The following NBEA variants were observed in gnomAD, a reference collection of about 807,000 sequenced individuals.
The protein encoded by NBEA is lysosomal-trafficking regulator 2.
NBEA carries 44 observed loss-of-function variants against 343.4 expected under a neutral mutation model. The observed-to-expected ratio is 0.13, with a 90% CI of 0.10 to 0.16. The LOEUF (loss-of-function observed/expected upper bound fraction) is 0.16. Ranked by LOEUF, NBEA falls within the 10% of genes least tolerant of loss-of-function variation. The probability of loss-of-function intolerance (pLI) is 1.00; values close to 1 mark genes in which losing one functional copy is unlikely to be tolerated. For missense variants in NBEA, 2,555 were observed against 3,631.3 expected, an observed-to-expected ratio of 0.70 and a Z score of 7.62; for synonymous variants, 1,175 against 1,238.7, an observed-to-expected ratio of 0.95 and a Z score of 1.08.
At chr13:34,980,942 A>C (rs983202446) in intron 1 of NBEA, among the ~76,000 whole-genome samples, 2 of 152,184 alleles carry the variant, frequency 1.3e-5, no homozygotes, top group African/African-American at 4.8e-5. Flanking sequence ...TAATTTATAT[A>C]TCATAAAATT....
At chr13:35,548,084 A>G (rs1168220792) in intron 41 of NBEA, among the ~76,000 whole-genome samples, 1 of 152,136 alleles carries the variant, frequency 6.6e-6, no homozygotes, top group African/African-American at 2.4e-5. Flanking sequence ...AACAGAGAAG[A>G]AAAAACACCC....
Position 35,030,568 on chromosome 13 carries a change from C to T in NBEA, c.295-10365C>T, listed in dbSNP as rs59609417. ...GCCTCACTGTAGTTCTTCATAGGAT[C>T]GTTAGAGAATTGTTTAAATAATGAA... On this transcript the variant is annotated intron_variant, in intron 1 of 58. Coordinates refer to ENST00000379939, the MANE Select transcript of NBEA (RefSeq NM_001385012.1). 6.4e-3 allele frequency among the ~76,000 whole-genome samples: 971 copies of T among 151,710 alleles called. 11 individuals carry two copies. The highest frequency in any genetic ancestry group is 0.022 in the African/African-American group (928 of 41,510).
intron 36 of NBEA, among the ~76,000 whole-genome samples, chr13:35,342,312 A>G (rs2039631517): frequency 6.6e-6 from 1 of 152,098 alleles, no homozygotes; most frequent in African/African-American, 2.4e-5. Flanking sequence ...ACTAAAAACC[A>G]CTACAGTGTA....
At chr13:35,422,138 CT>C (rs201714340) in intron 38 of NBEA, among the ~76,000 whole-genome samples, 5,352 of 137,316 alleles carry the variant, frequency 0.039, 163 homozygotes, top group South Asian at 0.072. Flanking sequence ...TGCAGAGCAT[CT>C]TTTTTTTTTA....
intron 6 of NBEA, among the ~76,000 whole-genome samples, chr13:35,054,643 C>CTTTTTTTT (rs1186551019): frequency 8.5e-6 from 1 of 117,452 alleles, no homozygotes; most frequent in Non-Finnish European, 1.8e-5. Context: ...GTTTTCTTTT[C>CTTTTTTTT]TTTTTTTTTT....
intron 1 of NBEA, among the ~76,000 whole-genome samples, chr13:35,032,079 A>G (rs2062245439): frequency 6.6e-6 from 1 of 151,590 alleles, no homozygotes; most frequent in African/African-American, 2.4e-5. Context: ...ATTCCATGCC[A>G]TTACTATTGT....
chr13:35,494,711 A>AGGCC (rs2076613764), intron 41 of NBEA, among the ~76,000 whole-genome samples: 1 of 152,006 alleles, frequency 6.6e-6, no homozygotes, highest in Non-Finnish European at 1.5e-5. Context: ...TAAATGGATT[A>AGGCC]AACAGTCCAA....
chr13:35,590,825 G>C (rs891602790), intron 46 of NBEA, among the ~76,000 whole-genome samples: 3 of 152,048 alleles, frequency 2.0e-5, no homozygotes, highest in Non-Finnish European at 4.4e-5. Flanking sequence ...CCTACTAGTA[G>C]TTAAGAACTG....
chr13:35,410,540 G>C (rs1293049902), intron 38 of NBEA, among the ~76,000 whole-genome samples: 1 of 151,852 alleles, frequency 6.6e-6, no homozygotes, highest in South Asian at 2.1e-4. Context: ...GACTTCAAAA[G>C]GTTCACAGAA....
chr13:35,016,652 A>G (rs1219019468), intron 1 of NBEA, among the ~76,000 whole-genome samples: 2 of 152,128 alleles, frequency 1.3e-5, no homozygotes, highest in African/African-American at 4.8e-5. Flanking sequence ...GACAGATTGT[A>G]TACACACAAA....
chr13:35,508,275 G>A (rs1000926460), intron 41 of NBEA, among the ~76,000 whole-genome samples: 2 of 152,164 alleles, frequency 1.3e-5, no homozygotes, highest in Non-Finnish European at 2.9e-5. Flanking sequence ...GAAAGTATAA[G>A]GGACAGAATG....
At chr13:34,984,456 A>G (rs1212648835) in intron 1 of NBEA, among the ~76,000 whole-genome samples, 1 of 152,158 alleles carries the variant, frequency 6.6e-6, no homozygotes, top group Admixed American at 6.5e-5. Flanking sequence ...GCCATGTAGT[A>G]TAGTTTGAAG....
At chr13:35,254,476 C>T (rs1387559364) in intron 34 of NBEA, among the ~76,000 whole-genome samples, 1 of 151,736 alleles carries the variant, frequency 6.6e-6, no homozygotes, top group Non-Finnish European at 1.5e-5. Flanking sequence ...CACCACCACA[C>T]TCAGCTAATT....
At chr13:34,951,629 C>G (rs1009371367) in intron 1 of NBEA, among the ~76,000 whole-genome samples, 1 of 152,182 alleles carries the variant, frequency 6.6e-6, no homozygotes, top group Non-Finnish European at 1.5e-5. Flanking sequence ...CCTGCATAGT[C>G]TTTATCAGTG....
intron 38 of NBEA, among the ~76,000 whole-genome samples, chr13:35,424,543 C>T (rs1406134307): frequency 3.3e-5 from 5 of 152,074 alleles, no homozygotes; most frequent in African/African-American, 4.8e-5. Context: ...CTGCTGGATT[C>T]GGTTTGCCAG....
In NBEA at chr13:35,317,835, G is replaced by T. The variant is rs150027454; in HGVS notation, c.5903+8243G>T. On this transcript the variant is annotated intron_variant, in intron 36 of 58. Coordinates refer to ENST00000379939, the MANE Select transcript of NBEA (RefSeq NM_001385012.1). ...AGGTCCTTCACATCCCTTGTGAGTT[G>T]TATTCCTAGGTATTATCTTAGTAGC... Among the ~76,000 whole-genome samples the T allele has an allele frequency of 1.8e-4, 28 of 152,176 alleles. No homozygotes were observed. The East Asian group carries it at 5.2e-3, about 28-fold the overall frequency.
At chr13:35,319,330 A>T (rs546397542) in intron 36 of NBEA, among the ~76,000 whole-genome samples, 136 of 152,208 alleles carry the variant, frequency 8.9e-4, no homozygotes, top group African/African-American at 3.0e-3. Context: ...AGAATTATTT[A>T]TTTCAGCCTT....
intron 49 of NBEA, among the ~76,000 whole-genome samples, chr13:35,643,718 A>T (rs2084079804): frequency 1.3e-5 from 2 of 152,194 alleles, no homozygotes; most frequent in Admixed American, 1.3e-4. Context: ...TCCTTGCCCA[A>T]GGAGGTGAAG....
At chr13:35,024,646 C>T (rs2061957300) in intron 1 of NBEA, among the ~76,000 whole-genome samples, 1 of 152,052 alleles carries the variant, frequency 6.6e-6, no homozygotes, top group East Asian at 1.9e-4. Context: ...TACCACTGCA[C>T]TCCAGCCTGA....
Sources: allele counts gnomAD v4.1 joint callset (sites outside exome capture counted in the v4.1 genomes callset), GRCh38; gene constraint gnomAD v4.1.1; transcripts MANE v1.5; gene names NCBI Gene and HGNC (gene_info 2026-07-23, HGNC 2026-07-21).